ISY1: variants seen among roughly 807,000 people sequenced by gnomAD.
The protein encoded by ISY1 is ISY1 spliceosome associated protein.
In ISY1, 12 loss-of-function variants were observed where a neutral mutation model predicts 54.4. The observed-to-expected ratio is 0.22, with a 90% confidence interval of 0.14 to 0.36. ISY1 has a LOEUF of 0.36. Among genes scored for constraint, ISY1 ranks in the 10% least tolerant of loss-of-function variants. The probability of loss-of-function intolerance (pLI) is 1.00; values close to 1 mark genes in which losing one functional copy is unlikely to be tolerated. For missense variants in ISY1, 282 were observed against 342.2 expected (o/e 0.82, Z 1.39); for synonymous variants, 96 against 117.9 (o/e 0.81, Z 1.20).
intron 5 of ISY1, among the ~76,000 whole-genome samples, chr3:129,148,643 C>G (rs751370721): frequency 6.6e-6 from 1 of 152,190 alleles, no homozygotes; most frequent in Non-Finnish European, 1.5e-5. Flanking sequence ...CAGCTCACTG[C>G]GACCTCTGCC....
intron 9 of ISY1, among the ~76,000 whole-genome samples, chr3:129,131,833 G>T (rs1576868137): frequency 6.6e-6 from 1 of 152,080 alleles, no homozygotes; most frequent in East Asian, 1.9e-4. Flanking sequence ...AACTGTGAAG[G>T]GGTGGCACCA....
chr3:129,135,078 G>A, intron 7 of ISY1, 124 bp from the exon 8 acceptor site: 1 of 1,311,056 alleles, frequency 7.6e-7, no homozygotes, highest in Non-Finnish European at 1.0e-6. Flanking sequence ...GGTGGGCGCA[G>A]TGGCTCATGC....
In ISY1 at chr3:129,156,633, CATTCTGAAT is replaced by C; in HGVS notation, c.178_186del (p.Ile60_Asn62del). 6.2e-7 allele frequency: 1 copy of C among 1,611,214 alleles called. No homozygotes were observed. The highest frequency in any genetic ancestry group is 8.5e-7 in the Non-Finnish European group (1 of 1,178,900). ...ACTTTAAAGGAACAAGTTTGCTTAC[CATTCTGAAT>C]CTGAGCCACTTTTTTAGAGATCTCT... On this transcript the variant is annotated inframe_deletion and splice_region_variant, in exon 5 of 11. Transcript: ENST00000393295.
chr3:129,149,522 G>A (rs777765539), intron 5 of ISY1, among the ~76,000 whole-genome samples: 4 of 134,188 alleles, frequency 3.0e-5, no homozygotes, highest in Non-Finnish European at 6.2e-5. Context: ...GCCAAGGTGT[G>A]TGGATCAGGA....
intron 5 of ISY1, among the ~76,000 whole-genome samples, chr3:129,153,088 C>T (rs1467148145): frequency 6.7e-6 from 1 of 149,948 alleles, no homozygotes; most frequent in African/African-American, 2.5e-5. Flanking sequence ...TGGCTCACTG[C>T]AACCTCTGCC....
chr3:129,141,849 C>T (rs1449082058), intron 6 of ISY1, among the ~76,000 whole-genome samples: 4 of 151,952 alleles, frequency 2.6e-5, no homozygotes, highest in African/African-American at 9.7e-5. Flanking sequence ...TTACAAACAA[C>T]CTATATGACA....
chr3:129,140,731 T>C (rs1268200772), intron 6 of ISY1, among the ~76,000 whole-genome samples: 1 of 151,912 alleles, frequency 6.6e-6, no homozygotes, highest in African/African-American at 2.4e-5. Context: ...CCACCACGCC[T>C]GGCTAATTTT....
At chr3:129,132,639 T>G (rs910617398) in intron 9 of ISY1, among the ~76,000 whole-genome samples, 6 of 152,200 alleles carry the variant, frequency 3.9e-5, no homozygotes, top group African/African-American at 1.4e-4. Flanking sequence ...ATTGAGGGAC[T>G]GTTGCTCACT....
At chr3:129,146,646 C>A (rs1936771142) in intron 5 of ISY1, among the ~76,000 whole-genome samples, 1 of 152,140 alleles carries the variant, frequency 6.6e-6, no homozygotes, top group Admixed American at 6.6e-5. Context: ...ATGGATACTG[C>A]ATGTGGAGGT....
At chr3:129,141,193 T>TTAAATAAACAAA (rs1936597223) in intron 6 of ISY1, among the ~76,000 whole-genome samples, 1 of 139,628 alleles carries the variant, frequency 7.2e-6, no homozygotes, top group African/African-American at 2.7e-5. Context: ...CTGGAGTAAA[T>TTAAATAAACAAA]TAAATAAATA....
chr3:129,142,057 T>C (rs1288586711), intron 6 of ISY1, among the ~76,000 whole-genome samples: 1 of 151,680 alleles, frequency 6.6e-6, no homozygotes, highest in East Asian at 1.9e-4. Flanking sequence ...ATACAAAAAT[T>C]AGCAGGGTAC....
At chr3:129,149,866 T>A (rs1262858254) in intron 5 of ISY1, among the ~76,000 whole-genome samples, 1 of 147,702 alleles carries the variant, frequency 6.8e-6, no homozygotes, top group African/African-American at 2.5e-5. Context: ...CTCAGCTACA[T>A]GAGAGTTTGA....
At chr3:129,147,247 C>G (rs1156458623) in intron 5 of ISY1, among the ~76,000 whole-genome samples, 1 of 151,700 alleles carries the variant, frequency 6.6e-6, no homozygotes, top group African/African-American at 2.4e-5. Flanking sequence ...AGTGATGGTG[C>G]ACGCTTGTAA....
At chr3:129,135,785 C>A (rs1198743229) in intron 7 of ISY1, among the ~76,000 whole-genome samples, 5 of 150,102 alleles carry the variant, frequency 3.3e-5, no homozygotes, top group Admixed American at 2.0e-4. Context: ...AAAACAAAAA[C>A]CAAACACGAG....
At chr3:129,140,330 T>A in intron 7 of ISY1, 38 bp downstream of exon 7, 2 of 1,559,928 alleles carry the variant, frequency 1.3e-6, no homozygotes, top group Non-Finnish European at 1.7e-6. Context: ...TTATGATTAT[T>A]ACCAATGAAA....
Position 129,134,061 on chromosome 3 carries a change from C to T in ISY1, c.663+13G>A, listed in dbSNP as rs1936318023. 1.2e-6 allele frequency: 2 copies of T among 1,613,670 alleles called. No individual in the cohort carries two copies. Among genetic ancestry groups the T allele is most frequent in the Non-Finnish European group, 1.7e-6 (2 of 1,179,872 alleles). Reference sequence around the variant, plus strand: ...AGATGGCAGTGAGTGCCAGAGGGGGCCAACCCCAATACCTCCTCCTCGGTG... The same window carrying T: ...AGATGGCAGTGAGTGCCAGAGGGGGTCAACCCCAATACCTCCTCCTCGGTG... On this transcript the variant is annotated intron_variant, in intron 9 of 10. Transcript: ENST00000393295.
chr3:129,160,964 C>A lies in ISY1; in HGVS notation c.3+9G>T, dbSNP rs1294236188. 6.5e-7 allele frequency: 1 copy of A among 1,545,074 alleles called. No homozygotes were observed. Among genetic ancestry groups the A allele is most frequent in the South Asian group, 1.2e-5 (1 of 83,898 alleles). On this transcript the variant is annotated intron_variant, in intron 1 of 10. Coordinates refer to ENST00000393295, the MANE Select transcript of ISY1 (RefSeq NM_020701.4). ...TCCACTCGCTCCCTCACCCGCCCAC[C>A]CTACTCACCATGGTGTCGCTAAGGG... is the stretch of plus-strand genomic sequence containing the variant.
chr3:129,159,894 A>T (rs1049684258), intron 1 of ISY1, among the ~76,000 whole-genome samples: 1 of 152,350 alleles, frequency 6.6e-6, no homozygotes, highest in South Asian at 2.1e-4. Flanking sequence ...CACTCAGCAA[A>T]ATCGAGTTCA....
intron 9 of ISY1, among the ~76,000 whole-genome samples, chr3:129,132,738 G>A (rs551199775): frequency 6.6e-6 from 1 of 152,306 alleles, no homozygotes; most frequent in East Asian, 1.9e-4. Context: ...AATGCGGCTG[G>A]CTCACAGGAG....
Sources: gnomAD v4.1 joint callset for allele counts (sites outside exome capture counted in the v4.1 genomes callset) on GRCh38, gnomAD v4.1.1 for gene constraint, MANE v1.5 for transcripts, NCBI Gene and HGNC (gene_info 2026-07-23, HGNC 2026-07-21) for gene names.